Variants in ZFHX4 observed in about 807,000 individuals in gnomAD.
ZFHX4 encodes the protein zinc finger homeobox protein 4.
In ZFHX4, 56 loss-of-function variants were observed where a neutral mutation model predicts 267.6. That is an observed-to-expected ratio of 0.21 (90% CI 0.17 to 0.26). ZFHX4 has a LOEUF of 0.26. Ranked by LOEUF, ZFHX4 falls within the 10% of genes least tolerant of loss-of-function variation. ZFHX4 has a pLI of 1.00. For missense variants in ZFHX4, 4,332 were observed against 4,420.0 expected (o/e 0.98, Z 0.56); for synonymous variants, 1,778 against 1,665.6 (o/e 1.07, Z -1.64).
intron 3 of ZFHX4, among the ~76,000 whole-genome samples, chr8:76,712,775 T>C (rs933528884): frequency 6.6e-6 from 1 of 152,236 alleles, no homozygotes; most frequent in Non-Finnish European, 1.5e-5. Context: ...TTTGCACTTT[T>C]GTATTAGTTT....
chr8:76,803,404 T>G (rs1811168928), intron 4 of ZFHX4, among the ~76,000 whole-genome samples: 1 of 152,122 alleles, frequency 6.6e-6, no homozygotes, highest in Admixed American at 6.6e-5. Flanking sequence ...CCTTGTAAAC[T>G]GCATTTATAT....
At chr8:76,825,781 A>G (rs1423347086) in intron 4 of ZFHX4, among the ~76,000 whole-genome samples, 1 of 152,202 alleles carries the variant, frequency 6.6e-6, no homozygotes, top group Non-Finnish European at 1.5e-5. Context: ...AGCATTTTTA[A>G]AAACTTGTGA....
rs1336045561 is a variant in ZFHX4 at position 76,852,927 on chromosome 8, G to A, written c.6006G>A (p.Thr2002=). The A allele has an allele frequency of 1.1e-5, 17 of 1,592,368 alleles. No homozygotes were observed. Among genetic ancestry groups the A allele is most frequent in the South Asian group, 2.3e-5 (2 of 88,480 alleles). The change falls in exon 10 of 11, where the codon ACG becomes ACA. Residue 2002 remains threonine, a synonymous_variant. Transcript: ENST00000651372. The part of the protein sequence containing the change: ...LYPISPSSPE[T]PPPPPPPPPL... ...CAATTTCTCCATCTTCTCCAGAAAC[G>A]CCGCCCCCGCCACCTCCTCCTCCTC... is the stretch of plus-strand genomic sequence containing the variant.
At chr8:76,728,755 A>AC (rs1378062178) in intron 3 of ZFHX4, among the ~76,000 whole-genome samples, 4 of 151,732 alleles carry the variant, frequency 2.6e-5, no homozygotes, top group East Asian at 3.9e-4. Context: ...CTGGGAGAGC[A>AC]CCCCCCCAAT....
chr8:76,809,546 A>G (rs1811324786), intron 4 of ZFHX4, among the ~76,000 whole-genome samples: 1 of 152,176 alleles, frequency 6.6e-6, no homozygotes. Flanking sequence ...AAATATGAAT[A>G]TTTTATTCTT....
At chr8:76,744,408 T>C (rs1809402452) in intron 3 of ZFHX4, among the ~76,000 whole-genome samples, 1 of 151,924 alleles carries the variant, frequency 6.6e-6, no homozygotes, top group South Asian at 2.1e-4. Context: ...TGCCATACTT[T>C]CTTTTTTCTT....
intron 4 of ZFHX4, among the ~76,000 whole-genome samples, chr8:76,801,565 A>G (rs926281030): frequency 6.6e-6 from 1 of 152,160 alleles, no homozygotes; most frequent in African/African-American, 2.4e-5. Flanking sequence ...CTCCTAGCCT[A>G]TTGTTCTCTT....
At chr8:76,734,286 A>G (rs1809100458) in intron 3 of ZFHX4, among the ~76,000 whole-genome samples, 1 of 152,194 alleles carries the variant, frequency 6.6e-6, no homozygotes, top group Admixed American at 6.5e-5. Context: ...AATTAAGCTG[A>G]CAATGCATTC....
chr8:76,767,640 A>T (rs1326433022), intron 3 of ZFHX4, among the ~76,000 whole-genome samples: 3 of 152,234 alleles, frequency 2.0e-5, no homozygotes, highest in African/African-American at 7.2e-5. Flanking sequence ...TGTATTAACC[A>T]CATTTTAAAA....
At chr8:76,687,920 A>G (rs1807732167) in intron 1 of ZFHX4, among the ~76,000 whole-genome samples, 1 of 152,202 alleles carries the variant, frequency 6.6e-6, no homozygotes, top group East Asian at 1.9e-4. Flanking sequence ...TGAAAGGAAG[A>G]TGAAAATGCA....
At chr8:76,684,908 G>A (rs956965183) in intron 1 of ZFHX4, among the ~76,000 whole-genome samples, 2 of 152,138 alleles carry the variant, frequency 1.3e-5, no homozygotes, top group African/African-American at 4.8e-5. Context: ...TTCTGACCAT[G>A]AGCCTAAATT....
At position 76,855,513 on chromosome 8, in the gene ZFHX4, T is replaced by C; in HGVS notation, c.8592T>C (p.Phe2864=). 6.2e-7 allele frequency: 1 copy of C among 1,613,738 alleles called. No individual in the cohort carries two copies. Among genetic ancestry groups the C allele is most frequent in the Admixed American group, 1.7e-5 (1 of 59,998 alleles). The change falls in exon 10 of 11, where the codon TTT becomes TTC. Residue 2864 remains phenylalanine, a synonymous_variant. Coordinates refer to ENST00000651372, the MANE Select transcript of ZFHX4 (RefSeq NM_024721.5). The part of the protein sequence containing the change: ...TPTTEVCDDK[F]LFSLTSPSIH... ...CCACGGAGGTCTGCGATGACAAATTTCTCTTTTCTCTCACAAGCCCATCCA... is the reference window on the plus strand; with the variant it reads ...CCACGGAGGTCTGCGATGACAAATTCCTCTTTTCTCTCACAAGCCCATCCA...
chr8:76,707,130 A>G (rs899594026), intron 2 of ZFHX4, among the ~76,000 whole-genome samples: 5 of 152,232 alleles, frequency 3.3e-5, no homozygotes, highest in Non-Finnish European at 7.3e-5. Flanking sequence ...TAATACCATT[A>G]CCTTATCCCA....
At chr8:76,818,054 T>C (rs1811551737) in intron 4 of ZFHX4, among the ~76,000 whole-genome samples, 1 of 152,178 alleles carries the variant, frequency 6.6e-6, no homozygotes, top group Admixed American at 6.5e-5. Context: ...GAGGACAGAA[T>C]CAATGAACTT....
At chr8:76,819,353 C>G (rs1232620437) in intron 4 of ZFHX4, among the ~76,000 whole-genome samples, 1 of 151,796 alleles carries the variant, frequency 6.6e-6, no homozygotes, top group Non-Finnish European at 1.5e-5. Flanking sequence ...TTATATCTTT[C>G]TAAATAAAAA....
intron 3 of ZFHX4, among the ~76,000 whole-genome samples, chr8:76,718,935 TCACACACACACACACA>T (rs34486060): frequency 1.4e-5 from 2 of 141,280 alleles, no homozygotes; most frequent in African/African-American, 2.6e-5. Flanking sequence ...CTGAAATTGA[TCACACACACACACACA>T]CACACACACA....
intron 4 of ZFHX4, among the ~76,000 whole-genome samples, chr8:76,809,135 G>T (rs1811315295): frequency 6.6e-6 from 1 of 151,978 alleles, no homozygotes; most frequent in South Asian, 2.1e-4. Flanking sequence ...AAAGAAAGCA[G>T]TGTTATATAC....
At chr8:76,817,944 A>G (rs1216546217) in intron 4 of ZFHX4, among the ~76,000 whole-genome samples, 2 of 152,214 alleles carry the variant, frequency 1.3e-5, no homozygotes, top group African/African-American at 2.4e-5. Context: ...ACTTGAAAGG[A>G]ATCCACTGAG....
intron 3 of ZFHX4, among the ~76,000 whole-genome samples, chr8:76,754,574 GATA>G (rs1443352213): frequency 1.3e-5 from 2 of 151,984 alleles, no homozygotes; most frequent in East Asian, 1.9e-4. Context: ...TTAGTTTATA[GATA>G]ATAATTATAC....
Sources: allele counts gnomAD v4.1 joint callset (sites outside exome capture counted in the v4.1 genomes callset), GRCh38; gene constraint gnomAD v4.1.1; transcripts MANE v1.5; gene names NCBI Gene and HGNC (gene_info 2026-07-23, HGNC 2026-07-21).